C5orf24: variants seen among roughly 807,000 people sequenced by gnomAD.
C5orf24 encodes the protein chromosome 5 open reading frame 24.
Under a neutral mutation model 9.8 loss-of-function variants are expected in C5orf24, and 4 were observed. That is an observed-to-expected ratio of 0.41 (90% CI 0.20 to 0.93). The LOEUF (loss-of-function observed/expected upper bound fraction) is 0.93, where lower values mean the gene tolerates loss of function less well. Among genes scored for constraint, C5orf24 ranks in the 40% least tolerant of loss-of-function variants. C5orf24 has a pLI of 0.33. For missense variants in C5orf24, 170 were observed against 236.9 expected (o/e 0.72, Z 1.85); for synonymous variants, 73 against 81.3 (o/e 0.90, Z 0.55).
chr5:134,844,924 G>A (rs1755952489), upstream of C5orf24, among the ~76,000 whole-genome samples: 1 of 152,122 alleles, frequency 6.6e-6, no homozygotes, highest in Non-Finnish European at 1.5e-5. Flanking sequence ...TTTTAGTAGA[G>A]AAGGGGTTTC....
chr5:134,835,043 CA>C, the C5orf24 span, among the ~76,000 whole-genome samples: 276 of 132,144 alleles, frequency 2.1e-3, no homozygotes, highest in Middle Eastern at 3.8e-3. Context: ...AACTCCATCT[CA>C]AAAAAAAAAA....
In C5orf24 at chr5:134,857,631, G is replaced by T; in HGVS notation, c.*2164G>T. The T allele has an allele frequency of 2.3e-6, 1 of 434,878 alleles. No individual in the cohort carries two copies. The highest frequency in any genetic ancestry group is 4.0e-6 in the Non-Finnish European group (1 of 251,518). The allele number at this position is 434,878 out of a possible 1,614,324, so 26.9% of individuals were successfully genotyped here. ...TACAAGATTTTTAATAATTTACTCA[G>T]AACAGTATAACTTCTGACACACACA... On this transcript the variant is annotated 3_prime_UTR_variant, in exon 2 of 2. Coordinates refer to ENST00000394976, the MANE Select transcript of C5orf24 (RefSeq NM_001135586.1).
upstream of C5orf24, among the ~76,000 whole-genome samples, chr5:134,845,118 T>C (rs146898816): frequency 6.6e-6 from 1 of 152,324 alleles, no homozygotes; most frequent in African/African-American, 2.4e-5. Flanking sequence ...TTTGAATGAA[T>C]GGGCTTGCTT....
At chr5:134,840,733 A>G (rs898559736), upstream of C5orf24, among the ~76,000 whole-genome samples, 2 of 150,010 alleles carry the variant, frequency 1.3e-5, no homozygotes, top group Non-Finnish European at 3.0e-5. Context: ...GGGTCTCCCT[A>G]TGTTGTTGCC....
upstream of C5orf24, among the ~76,000 whole-genome samples, chr5:134,845,062 T>C (rs529261193): frequency 1.6e-4 from 25 of 152,308 alleles, no homozygotes; most frequent in African/African-American, 5.5e-4. Context: ...TGGTGTAGGT[T>C]TGATCAACTG....
chr5:134,855,181 C>T lies in C5orf24; in HGVS notation c.281C>T (p.Ser94Leu), dbSNP rs779130296. ...CGATCTGGTAAGCGTGGCCGGCCTT[C>T]GGGAACCACCAAATCAGCAGGATAC... ...LNRSGKRGRP[S>L]GTTKSAGYRT... Residue 94 changes from serine (S) to leucine (L), a missense_variant, in exon 2 of 2, where the codon TCG becomes TTG. Ser to Leu is a moderately radical substitution (Grantham distance 145). Around this residue, in one of 3 missense-constraint regions of C5orf24, gnomAD observed 21 missense variants for 72.2 expected, o/e 0.29. Transcript: ENST00000394976. The T allele has an allele frequency of 5.0e-6, 8 of 1,614,120 alleles. No individual in the cohort carries two copies. The Admixed American group carries it at 5.0e-5, about 10-fold the overall frequency.
At chr5:134,837,898 T>C in the C5orf24 span, among the ~76,000 whole-genome samples, 11 of 152,202 alleles carry the variant, frequency 7.2e-5, no homozygotes, top group Non-Finnish European at 1.5e-4. Context: ...CTGTTACTGA[T>C]AAGTTAAAAT....
In C5orf24 at chr5:134,855,263, T is replaced by C; in HGVS notation, c.363T>C (p.Ser121=). ...GTTKAAGFKT[S]PGRPLGTTKA... ...CCAAAGCAGCTGGATTTAAGACAAG[T>C]CCAGGCAGACCTTTGGGGACAACTA... The change falls in exon 2 of 2, where the codon AGT becomes AGC. Residue 121 remains serine (S), a synonymous_variant. Transcript: ENST00000394976. 1 of 1,614,074 alleles carries C rather than the reference T, an allele frequency of 6.2e-7. No individual in the cohort carries two copies. Among genetic ancestry groups the C allele is most frequent in the South Asian group, 1.1e-5 (1 of 91,076 alleles).
At chr5:134,846,295 G>C (rs1002266674) in intron 1 of C5orf24, 83 bp downstream of exon 1, 3 of 152,502 alleles carry the variant, frequency 2.0e-5, no homozygotes, top group Admixed American at 6.5e-5. Context: ...TGACCGGGGA[G>C]AAGAGGCCTC....
At chr5:134,839,261 G>A in the C5orf24 span, among the ~76,000 whole-genome samples, 1 of 150,832 alleles carries the variant, frequency 6.6e-6, no homozygotes, top group Admixed American at 6.6e-5. Context: ...CACCATTCTT[G>A]TTGCACTTAA....
rs879187070 is a variant in C5orf24, at chr5:134,859,627, G to A, written c.*4160G>A. The A allele has an allele frequency of 6.0e-6, 1 of 167,096 alleles. No homozygotes were observed. Among genetic ancestry groups the A allele is most frequent in the Admixed American group, 6.5e-5 (1 of 15,286 alleles). 10.4% of individuals were successfully genotyped at this position (167,096 alleles called of 1,614,324 possible). On this transcript the variant is annotated 3_prime_UTR_variant, in exon 2 of 2. Coordinates refer to ENST00000394976, the MANE Select transcript of C5orf24 (RefSeq NM_001135586.1). ...TGTATGTTTTTATGTCCATGAACTT[G>A]AGCTACTCGTGTGCAATTATGTGTA...
intron 1 of C5orf24, among the ~76,000 whole-genome samples, chr5:134,851,206 G>C (rs963861272): frequency 1.3e-5 from 2 of 152,050 alleles, no homozygotes; most frequent in African/African-American, 4.8e-5. Context: ...GGGATTGTAG[G>C]CGTGAGCCAT....
At chr5:134,835,694 T>G in the C5orf24 span, among the ~76,000 whole-genome samples, 1 of 152,054 alleles carries the variant, frequency 6.6e-6, no homozygotes, top group Non-Finnish European at 1.5e-5. Flanking sequence ...TTTTTTTTCT[T>G]CTTTATTTTA....
intron 1 of C5orf24, among the ~76,000 whole-genome samples, chr5:134,847,473 T>G (rs1756027560): frequency 6.6e-6 from 1 of 152,098 alleles, no homozygotes; most frequent in African/African-American, 2.4e-5. Context: ...TTTTTGTATT[T>G]TTAGTAAAGA....
chr5:134,852,307 C>T (rs142642781), intron 1 of C5orf24, among the ~76,000 whole-genome samples: 306 of 152,284 alleles, frequency 2.0e-3, no homozygotes, highest in African/African-American at 7.1e-3. Context: ...TTGTGTTTAG[C>T]CCAGTCTTGT....
rs1756375484 is a variant in C5orf24, at chr5:134,858,787, A to T, written c.*3320A>T. 6.0e-6 allele frequency: 1 copy of T among 166,650 alleles called. No individual in the cohort carries two copies. The highest frequency in any genetic ancestry group is 6.6e-5 in the Admixed American group (1 of 15,266). The allele number at this position is 166,650 out of a possible 1,614,324, so 10.3% of individuals were successfully genotyped here. A position where few individuals can be genotyped will look rare whatever the true frequency, so the allele number is the denominator to read the frequency against. ...TAGAGTTTTGCATTGGATATTAAAA[A>T]ATATATTGGCACAATGTATTGGAAG... is the stretch of plus-strand genomic sequence containing the variant. On this transcript the variant is annotated 3_prime_UTR_variant, in exon 2 of 2. Transcript: ENST00000394976.
At position 134,856,260 on chromosome 5, in the gene C5orf24, CATATA is replaced by C; in HGVS notation, c.*797_*801del. On this transcript the variant is annotated 3_prime_UTR_variant, in exon 2 of 2. Transcript: ENST00000394976. Reference sequence around the variant, plus strand: ...AGTGCATTCTGAGGATAGCATATTTCATATAATAGAAAAAGAAGCATTCTCTAGGT... The same window carrying C: ...AGTGCATTCTGAGGATAGCATATTTCATAGAAAAAGAAGCATTCTCTAGGT... 1 of 992,822 alleles carries C rather than the reference CATATA, an allele frequency of 1.0e-6. No homozygotes were observed. The highest frequency in any genetic ancestry group is 1.2e-6 in the Non-Finnish European group (1 of 823,330). The allele number at this position is 992,822 out of a possible 1,614,324, so 61.5% of individuals were successfully genotyped here.
chr5:134,848,827 T>G (rs952503967), intron 1 of C5orf24, among the ~76,000 whole-genome samples: 3 of 122,060 alleles, frequency 2.5e-5, no homozygotes, highest in African/African-American at 6.2e-5. Context: ...CGTGGTGGCA[T>G]GTGCCTGTAA....
At chr5:134,839,149 C>G in the C5orf24 span, among the ~76,000 whole-genome samples, 1 of 151,582 alleles carries the variant, frequency 6.6e-6, no homozygotes, top group South Asian at 2.1e-4. Context: ...CTGCAGTGAG[C>G]CATGATCACA....
Sources: gnomAD v4.1 joint callset for allele counts (sites outside exome capture counted in the v4.1 genomes callset) on GRCh38, gnomAD v4.1.1 for gene constraint, gnomAD v4.1.1 regional missense constraint, MANE v1.5 for transcripts, NCBI Gene and HGNC (gene_info 2026-07-23, HGNC 2026-07-21) for gene names.